Variants in GOLGA2 observed in about 807,000 individuals in gnomAD.
The protein encoded by GOLGA2 is golgin subfamily A member 2.
A neutral mutation model predicts 148.8 loss-of-function variants in GOLGA2; 49 were observed. The observed-to-expected ratio is 0.33, with a 90% CI of 0.26 to 0.42. The LOEUF (loss-of-function observed/expected upper bound fraction) is 0.42. GOLGA2 is among the 10% of genes least tolerant of loss of function. The pLI is 1.00. For missense variants in GOLGA2, 1,178 were observed against 1,304.6 expected (o/e 0.90, Z 1.49); for synonymous variants, 501 against 511.8 (o/e 0.98, Z 0.28).
At chr9:128,267,318 G>T (rs1049139752) in intron 7 of GOLGA2, 44 bp from the exon 8 acceptor site, 23 of 1,432,308 alleles carry the variant, frequency 1.6e-5, no homozygotes, top group Non-Finnish European at 2.3e-5. Flanking sequence ...GGATTGGGGG[G>T]AGAGGTAGAG....
chr9:128,266,150 T>TGGGGATGGGGTGGAATCTGG lies in GOLGA2; in HGVS notation c.681+117_682-131dup. On this transcript the variant is annotated intron_variant, in intron 9 of 26. Coordinates refer to ENST00000611957, the MANE Select transcript of GOLGA2 (RefSeq NM_001366244.2). The surrounding 1 kb of genome is among the most constrained non-coding windows in gnomAD (Gnocchi z 4.2). ...TGGGACCAGGTTATCAGGGACCCTG[T>TGGGGATGGGGTGGAATCTGG]GGGGATGGGGTGGAATCTGGGGGGG... is the stretch of plus-strand genomic sequence containing the variant. 7.3e-7 allele frequency: 1 copy of TGGGGATGGGGTGGAATCTGG among 1,363,200 alleles called. No individual in the cohort carries two copies. Among genetic ancestry groups the TGGGGATGGGGTGGAATCTGG allele is most frequent in the Non-Finnish European group, 1.1e-6 (1 of 952,196 alleles). 84.4% of individuals were successfully genotyped at this position (1,363,200 alleles called of 1,614,324 possible). A position where few individuals can be genotyped will look rare whatever the true frequency, so the allele number is the denominator to read the frequency against.
Position 128,260,024 on chromosome 9 carries a change from C to T in GOLGA2, c.1872+52G>A. On this transcript the variant is annotated intron_variant, in intron 19 of 26. Transcript: ENST00000611957. The surrounding 1 kb of genome is among the most constrained non-coding windows in gnomAD (Gnocchi z 4.8). The stretch of plus-strand genomic sequence containing the variant: ...CTGCCTCTGGCCTCACACCACCCCT[C>T]CCCAGAGGCTGGTGCCCGCCTCCCA... 1 of 1,300,990 alleles carries T rather than the reference C, an allele frequency of 7.7e-7. No homozygotes were observed. The allele number at this position is 1,300,990 out of a possible 1,614,324, so 80.6% of individuals were successfully genotyped here.
At position 128,260,548 on chromosome 9, in the gene GOLGA2, G is replaced by A. The variant is rs1359566663; in HGVS notation, c.1675C>T (p.Arg559Cys). 7 of 1,613,004 alleles carry A rather than the reference G, an allele frequency of 4.3e-6. No homozygotes were observed. Among genetic ancestry groups the A allele is most frequent in the Non-Finnish European group, 5.9e-6 (7 of 1,179,986 alleles). ...RQILETMQNDRTTISRALSQN... is the reference protein window; with the variant it reads ...RQILETMQNDCTTISRALSQN... ...GAGAGTGCGCGGCTGATGGTAGTGC[G>A]GTCGTTCTGCATGGTCTCCAGGATT... Residue 559 changes from arginine to cysteine, a missense_variant, in exon 18 of 27, where the codon CGC (arginine) becomes TGC (cysteine). Transcript: ENST00000611957. The surrounding 1 kb of genome is among the most constrained non-coding windows in gnomAD (Gnocchi z 4.8).
chr9:128,258,535 C>A lies in GOLGA2; in HGVS notation c.2209G>T (p.Glu737Ter). 6.3e-7 allele frequency: 1 copy of A among 1,585,814 alleles called. No individual in the cohort carries two copies. The highest frequency in any genetic ancestry group is 8.6e-7 in the Non-Finnish European group (1 of 1,166,876). The change falls in exon 22 of 27, where the codon GAG becomes TAG. Residue 737 changes from glutamate (E) to a stop codon, truncating the protein, a stop_gained. Coordinates refer to ENST00000611957, the MANE Select transcript of GOLGA2 (RefSeq NM_001366244.2). LOFTEE classifies it high-confidence loss of function. This position sits in a 1 kb window ranked among gnomAD's most constrained non-coding sequence, Gnocchi z 6.6. ...GCCACCGCCTCCTCCTCCTCCTCCT[C>A]CTCATCCTCCTCCTCCTCCCGGTCC... The part of the protein sequence containing the change: ...GLDREEEEDE[E>*]EEEEEAVAVP...
rs765520035 is a variant in GOLGA2, at chr9:128,257,263, A to T, written c.2894T>A (p.Leu965His). 1 of 1,613,016 alleles carries T rather than the reference A, an allele frequency of 6.2e-7. No homozygotes were observed. The highest frequency in any genetic ancestry group is 1.3e-5 in the African/African-American group (1 of 74,866). Residue 965 changes from leucine (L) to histidine (H), a missense_variant, in exon 27 of 27, where the codon CTC (leucine) becomes CAC (histidine). Around this residue, in one of 5 missense-constraint regions of GOLGA2, gnomAD observed 149 missense variants for 154.9 expected, o/e 0.96. Transcript: ENST00000611957. The surrounding 1 kb of genome is among the most constrained non-coding windows in gnomAD (Gnocchi z 8.0). The part of the protein sequence containing the change: ...NQQGDLCEVS[L>H]AGSVEPAQGE... The stretch of plus-strand genomic sequence containing the variant: ...TTGGGCAGGCTCCACACTGCCGGCG[A>T]GGCTCACCTCGCAAAGATCTTTGGA...
rs1401532914 is a variant in GOLGA2, at chr9:128,260,459, G to C, written c.1758+6C>G. 25 of 1,603,814 alleles carry C rather than the reference G, an allele frequency of 1.6e-5. No individual in the cohort carries two copies. Among genetic ancestry groups the C allele is most frequent in the Non-Finnish European group, 2.1e-5 (25 of 1,173,046 alleles). On this transcript the variant is annotated splice_donor_region_variant and intron_variant, in intron 18 of 26. Coordinates refer to ENST00000611957, the MANE Select transcript of GOLGA2 (RefSeq NM_001366244.2). The surrounding 1 kb of genome is among the most constrained non-coding windows in gnomAD (Gnocchi z 4.8). ...GAGGGCGGGCTCTCCAGGTGGGGCA[G>C]CGCACCAGCTTTACAAATCCGCTCT...
rs1830615848 is a variant in GOLGA2 at position 128,266,717 on chromosome 9, A to T, written c.643-392T>A. 1 of 365,084 alleles carries T rather than the reference A, an allele frequency of 2.7e-6. No homozygotes were observed. The highest frequency in any genetic ancestry group is 2.1e-5 in the African/African-American group (1 of 47,262). 22.6% of individuals were successfully genotyped at this position (365,084 alleles called of 1,614,324 possible). ...AGGGATACCAGACAGAAAAAGACAG[A>T]CAGGAGCCCTTGGCCCTGAGGTTTA... On this transcript the variant is annotated intron_variant, in intron 8 of 26. Transcript: ENST00000611957. The surrounding 1 kb of genome is among the most constrained non-coding windows in gnomAD (Gnocchi z 4.2).
Position 128,257,455 on chromosome 9 carries a change from A to G in GOLGA2, c.2789T>C (p.Phe930Ser). ...VGDRNEWHGR[F>S]LAAAQNPADE... Reference sequence around the variant, plus strand: ...AGCAGGGTTCTGGGCAGCTGCCAGGAATCTGCCATGCCACTCGTTGCGGTC... The same window carrying G: ...AGCAGGGTTCTGGGCAGCTGCCAGGGATCTGCCATGCCACTCGTTGCGGTC... Residue 930 changes from phenylalanine (F) to serine (S), a missense_variant, in exon 26 of 27, where the codon TTC becomes TCC. Phe to Ser is a radical substitution (Grantham distance 155). This residue lies in a region of GOLGA2 where 149 missense variants were observed against 154.9 expected (regional missense o/e 0.96). Transcript: ENST00000611957. This position sits in a 1 kb window ranked among gnomAD's most constrained non-coding sequence, Gnocchi z 8.0. The G allele has an allele frequency of 1.9e-6, 3 of 1,613,230 alleles. No individual in the cohort carries two copies.
chr9:128,261,454 C>T lies in GOLGA2; in HGVS notation c.1332G>A (p.Gln444=), dbSNP rs772836481. Residue 444 remains glutamine, a splice_region_variant and synonymous_variant, in exon 16 of 27, where the codon CAG becomes CAA. Coordinates refer to ENST00000611957, the MANE Select transcript of GOLGA2 (RefSeq NM_001366244.2). This position sits in a 1 kb window ranked among gnomAD's most constrained non-coding sequence, Gnocchi z 5.7. ...WRQRMQQMSE[Q]VHTLREEKEC... ...GGGGAGCTGAAGGGTCAGGTCTCACCTGCTCTGACATCTGCTGCATCCTCT... is the reference window on the plus strand; with the variant it reads ...GGGGAGCTGAAGGGTCAGGTCTCACTTGCTCTGACATCTGCTGCATCCTCT... 1.2e-5 allele frequency: 18 copies of T among 1,555,750 alleles called. No homozygotes were observed. In the South Asian group the frequency reaches 1.3e-4, roughly 12 times the overall value.
At position 128,261,618 on chromosome 9, in the gene GOLGA2, G is replaced by C. The variant is rs1461461841; in HGVS notation, c.1224+50C>G. On this transcript the variant is annotated intron_variant, in intron 15 of 26. Transcript: ENST00000611957. The surrounding 1 kb of genome is among the most constrained non-coding windows in gnomAD (Gnocchi z 5.7). Reference sequence around the variant, plus strand: ...CTGTCACTGGTTGTCACCTACTCCTGGCCACCTGGGGTCATCTTCCTTCTA... The same window carrying C: ...CTGTCACTGGTTGTCACCTACTCCTCGCCACCTGGGGTCATCTTCCTTCTA... 1 of 1,516,852 alleles carries C rather than the reference G, an allele frequency of 6.6e-7. No individual in the cohort carries two copies. Among genetic ancestry groups the C allele is most frequent in the East Asian group, 2.3e-5 (1 of 44,434 alleles). The allele number at this position is 1,516,852 out of a possible 1,614,324, so 94.0% of individuals were successfully genotyped here.
chr9:128,270,129 A>ATTTTTTTTT (rs776425049), intron 3 of GOLGA2, among the ~76,000 whole-genome samples: 1 of 115,142 alleles, frequency 8.7e-6, no homozygotes, highest in Admixed American at 9.7e-5. Flanking sequence ...GAGGAAGGGA[A>ATTTTTTTTT]TTTTTTTTTT....
rs747937642 is a variant in GOLGA2 at position 128,257,303 on chromosome 9, G to A, written c.2876-22C>T. ...AGATCTTTGGAGAGAGAGAGGCAGG[G>A]CTCTGAGTGCCACGCGAGCCCTCCC... On this transcript the variant is annotated intron_variant, in intron 26 of 26. Transcript: ENST00000611957. The surrounding 1 kb of genome is among the most constrained non-coding windows in gnomAD (Gnocchi z 8.0). 6.2e-7 allele frequency: 1 copy of A among 1,612,230 alleles called. No homozygotes were observed. The highest frequency in any genetic ancestry group is 1.7e-5 in the Admixed American group (1 of 59,994).
intron 12 of GOLGA2, among the ~76,000 whole-genome samples, chr9:128,263,872 G>C (rs955286686): frequency 6.6e-6 from 1 of 151,518 alleles, no homozygotes; most frequent in Admixed American, 6.6e-5. Flanking sequence ...ACTTGGTAAG[G>C]GTGGCCGGGT....
Position 128,257,405 on chromosome 9 carries a change from CTGGGG to C in GOLGA2, c.2834_2838del (p.Ala945GlyfsTer13). On this transcript the variant is annotated frameshift_variant, in exon 26 of 27. Transcript: ENST00000611957. LOFTEE classifies it high-confidence loss of function. The surrounding 1 kb of genome is among the most constrained non-coding windows in gnomAD (Gnocchi z 8.0). ...TTGGCAGCCCCAAGTTCCTGGGGGG[CTGGGG>C]CCCCTGAAGTGGGCTCATCAGCAGG... is the stretch of plus-strand genomic sequence containing the variant. The C allele has an allele frequency of 1.2e-6, 2 of 1,612,992 alleles. No individual in the cohort carries two copies. The highest frequency in any genetic ancestry group is 8.5e-7 in the Non-Finnish European group (1 of 1,179,968).
At position 128,267,120 on chromosome 9, in the gene GOLGA2, T is replaced by C; in HGVS notation, c.642+74A>G. The C allele has an allele frequency of 4.6e-6, 5 of 1,079,348 alleles. No individual in the cohort carries two copies. The South Asian group carries it at 6.2e-5, about 13-fold the overall frequency. The allele number at this position is 1,079,348 out of a possible 1,614,324, so 66.9% of individuals were successfully genotyped here. A position where few individuals can be genotyped will look rare whatever the true frequency, so the allele number is the denominator to read the frequency against. On this transcript the variant is annotated intron_variant, in intron 8 of 26. Coordinates refer to ENST00000611957, the MANE Select transcript of GOLGA2 (RefSeq NM_001366244.2). ...TGGCACCAGGGGCCCCCTGCCCCTT[T>C]CTTCAGGGTCCCAAGGGGAAACTGG...
chr9:128,260,548 G>T lies in GOLGA2; in HGVS notation c.1675C>A (p.Arg559Ser). The change falls in exon 18 of 27, where the codon CGC (arginine) becomes AGC (serine). Residue 559 changes from arginine (R) to serine (S), a missense_variant. Coordinates refer to ENST00000611957, the MANE Select transcript of GOLGA2 (RefSeq NM_001366244.2). This position sits in a 1 kb window ranked among gnomAD's most constrained non-coding sequence, Gnocchi z 4.8. ...RQILETMQND[R>S]TTISRALSQN... ...GAGAGTGCGCGGCTGATGGTAGTGCGGTCGTTCTGCATGGTCTCCAGGATT... is the reference window on the plus strand; with the variant it reads ...GAGAGTGCGCGGCTGATGGTAGTGCTGTCGTTCTGCATGGTCTCCAGGATT... 6.2e-7 allele frequency: 1 copy of T among 1,613,004 alleles called. No individual in the cohort carries two copies. Among genetic ancestry groups the T allele is most frequent in the Non-Finnish European group, 8.5e-7 (1 of 1,179,986 alleles).
In GOLGA2 at chr9:128,267,262, G is replaced by A. The variant is rs201878233; in HGVS notation, c.574C>T (p.Gln192Ter). The stretch of plus-strand genomic sequence containing the variant: ...CTGGAGTCCAGGGCTACCGCTAGCT[G>A]TTGGTACCGGCTCTGAGGCGCATGC... ...NLKDLESRYQ[Q>*]LAVALDSSYV... The change falls in exon 8 of 27, where the codon CAG (glutamine) becomes TAG (stop). Residue 192 changes from glutamine (Q) to a stop codon, truncating the protein, a stop_gained. Coordinates refer to ENST00000611957, the MANE Select transcript of GOLGA2 (RefSeq NM_001366244.2). LOFTEE classifies it high-confidence loss of function. 2 of 1,608,662 alleles carry A rather than the reference G, an allele frequency of 1.2e-6. No individual in the cohort carries two copies. The highest frequency in any genetic ancestry group is 1.7e-6 in the Non-Finnish European group (2 of 1,175,140).
chr9:128,259,194 C>T lies in GOLGA2; in HGVS notation c.2070G>A (p.Met690Ile), dbSNP rs1830097492. The T allele has an allele frequency of 2.5e-6, 4 of 1,586,854 alleles. No individual in the cohort carries two copies. The East Asian group carries it at 8.9e-5, about 35-fold the overall frequency. Reference sequence around the variant, plus strand: ...GGGTTTCCTGCAACTCTTGGCGGGCCATCTCGGCCACCGCTTTGCCCTGAG... The same window carrying T: ...GGGTTTCCTGCAACTCTTGGCGGGCTATCTCGGCCACCGCTTTGCCCTGAG... ...QEAQGKAVAEMARQELQETQE... is the reference protein window; with the variant it reads ...QEAQGKAVAEIARQELQETQE... Residue 690 changes from methionine (M) to isoleucine (I), a missense_variant, in exon 20 of 27, where the codon ATG becomes ATA. Physicochemically the swap from Met to Ile is conservative, Grantham distance 10. Transcript: ENST00000611957.
chr9:128,272,574 T>C (rs550430415), intron 3 of GOLGA2, among the ~76,000 whole-genome samples: 1 of 152,184 alleles, frequency 6.6e-6, no homozygotes, highest in Admixed American at 6.5e-5. Flanking sequence ...CTTTAAGATA[T>C]GTCTCACCTT....
Sources: gnomAD v4.1 joint callset for allele counts (sites outside exome capture counted in the v4.1 genomes callset) on GRCh38, gnomAD v4.1.1 for gene constraint, gnomAD v4.1.1 regional missense constraint, Gnocchi (gnomAD v3.1) non-coding constraint, MANE v1.5 for transcripts, NCBI Gene and HGNC (gene_info 2026-07-23, HGNC 2026-07-21) for gene names.